The following TENM2 variants were observed in gnomAD, a reference collection of about 807,000 sequenced individuals.
TENM2 encodes teneurin-2.
Under a neutral mutation model 245.2 loss-of-function variants are expected in TENM2, and 52 were observed. The ratio of observed to expected loss-of-function variants is 0.21; its 90% CI spans 0.17 to 0.27. TENM2 has a LOEUF of 0.27. Ranked by LOEUF, TENM2 falls within the 10% of genes least tolerant of loss-of-function variation. The pLI, the probability that TENM2 is intolerant of heterozygous loss-of-function variation, is 1.00. For missense variants in TENM2, 3,046 were observed against 3,666.8 expected (o/e 0.83, Z 4.37); for synonymous variants, 1,363 against 1,438.9 (o/e 0.95, Z 1.19).
At chr5:167,139,177 A>T in the TENM2 span, among the ~76,000 whole-genome samples, 1 of 152,226 alleles carries the variant, frequency 6.6e-6, no homozygotes, top group Non-Finnish European at 1.5e-5. Context: ...CTCGTCCAAG[A>T]ACTGTACACG....
At chr5:167,775,025 A>G (rs1312346880) in intron 2 of TENM2, among the ~76,000 whole-genome samples, 1 of 151,976 alleles carries the variant, frequency 6.6e-6, no homozygotes, top group Admixed American at 6.6e-5. Flanking sequence ...GCTGGAGTGC[A>G]ATGGCGCAAT....
At chr5:167,035,899 C>T in the TENM2 span, among the ~76,000 whole-genome samples, 6 of 152,268 alleles carry the variant, frequency 3.9e-5, no homozygotes, top group Admixed American at 6.5e-5. Flanking sequence ...CCTGCCACCA[C>T]GCCCAGATAA....
intron 2 of TENM2, among the ~76,000 whole-genome samples, chr5:167,743,778 A>G (rs1182588423): frequency 2.0e-5 from 3 of 152,192 alleles, no homozygotes; most frequent in Admixed American, 6.5e-5. Flanking sequence ...AACCTTTGCT[A>G]TTAAAAAGAA....
the TENM2 span, among the ~76,000 whole-genome samples, chr5:166,986,162 T>C: frequency 6.6e-6 from 1 of 152,142 alleles, no homozygotes; most frequent in Non-Finnish European, 1.5e-5. Flanking sequence ...TTATTGACCA[T>C]TATGAATAAT....
At chr5:167,635,570 C>G in intron 2 of TENM2, among the ~76,000 whole-genome samples, 1 of 148,690 alleles carries the variant, frequency 6.7e-6, no homozygotes, top group East Asian at 2.1e-4. Context: ...TGTCTCAAAA[C>G]ATTCTCTGAA....
chr5:168,155,892 TAAAAAAAAAAAAAA>T (rs55977607), intron 12 of TENM2, among the ~76,000 whole-genome samples: 4,975 of 97,024 alleles, frequency 0.051, 223 homozygotes, highest in African/African-American at 0.13. Context: ...CTGGCATCTG[TAAAAAAAAAAAAAA>T]AAAAAAAAAA....
At chr5:167,917,359 G>T (rs186370786) in intron 3 of TENM2, among the ~76,000 whole-genome samples, 1 of 152,138 alleles carries the variant, frequency 6.6e-6, no homozygotes, top group Non-Finnish European at 1.5e-5. Flanking sequence ...GAGTCTCGGG[G>T]GGTTGTAGGG....
rs373466198 is a variant in TENM2, at chr5:168,260,344, G to T, written c.7494G>T (p.Pro2498=). The T allele has an allele frequency of 2.0e-5, 32 of 1,613,838 alleles. No homozygotes were observed. The South Asian group carries it at 3.3e-4, about 17-fold the overall frequency. The change falls in exon 28 of 29, where the codon CCG becomes CCT. Residue 2498 remains proline (P), a synonymous_variant. Coordinates refer to ENST00000518659, the Ensembl canonical transcript of TENM2. ...TTAGCAACATCATTCCTGGCTTCCC[G>T]AGAGCCAAAATGTATTTCGTGCCTC...
At chr5:167,758,180 T>C (rs1170860489) in intron 2 of TENM2, among the ~76,000 whole-genome samples, 1 of 152,184 alleles carries the variant, frequency 6.6e-6, no homozygotes, top group Non-Finnish European at 1.5e-5. Context: ...GCAGTCTAAA[T>C]TGCATGTGGT....
chr5:167,872,548 G>GAAAAAGAA lies in TENM2; in HGVS notation c.503-3437_503-3436insAAAAGAAA, dbSNP rs1313191288. On this transcript the variant is annotated intron_variant, in intron 2 of 28. Coordinates refer to ENST00000518659, the Ensembl canonical transcript of TENM2. ...AGAAAGAAAGAAAGAAAGAAAGAAAGAGAAAGAAAGAAAGAAAGAAAGAAA... is the reference window on the plus strand; with the variant it reads ...AGAAAGAAAGAAAGAAAGAAAGAAAGAAAAAGAAAGAAAGAAAGAAAGAAAGAAAGAAA... 3.1e-5 allele frequency among the ~76,000 whole-genome samples: 2 copies of GAAAAAGAA among 65,438 alleles called. 1 individual carries two copies. Among genetic ancestry groups the GAAAAAGAA allele is most frequent in the African/African-American group, 8.9e-5 (2 of 22,596 alleles). 42.9% of individuals were successfully genotyped at this position (65,438 alleles called of 152,430 possible). A position where few individuals can be genotyped will look rare whatever the true frequency, so the allele number is the denominator to read the frequency against.
chr5:167,716,251 A>G (rs1759247964), intron 2 of TENM2, among the ~76,000 whole-genome samples: 1 of 152,158 alleles, frequency 6.6e-6, no homozygotes, highest in Non-Finnish European at 1.5e-5. Context: ...CTGTATTTTG[A>G]AGGATCCCAA....
At chr5:167,115,526 T>C in the TENM2 span, among the ~76,000 whole-genome samples, 4 of 152,118 alleles carry the variant, frequency 2.6e-5, no homozygotes. Context: ...ACTTGACTCA[T>C]TTGGAATAAA....
intron 2 of TENM2, among the ~76,000 whole-genome samples, chr5:167,464,534 C>T (rs760523715): frequency 6.6e-5 from 10 of 152,086 alleles, no homozygotes; most frequent in South Asian, 2.1e-4. Context: ...GCCTGTATCA[C>T]GAATACCATA....
At chr5:167,333,273 C>A (rs374839121) in intron 1 of TENM2, among the ~76,000 whole-genome samples, 1 of 152,156 alleles carries the variant, frequency 6.6e-6, no homozygotes, top group African/African-American at 2.4e-5. Flanking sequence ...TCTAGCCTCA[C>A]GCCTTTCTTT....
intron 4 of TENM2, among the ~76,000 whole-genome samples, chr5:167,980,210 G>A (rs542115569): frequency 6.6e-6 from 1 of 152,274 alleles, no homozygotes; most frequent in South Asian, 2.1e-4. Flanking sequence ...GGTGATGCAT[G>A]TTAAATGAGA....
intron 2 of TENM2, among the ~76,000 whole-genome samples, chr5:167,550,900 C>T (rs1972645): frequency 0.66 from 100,591 of 151,730 alleles, 33,540 homozygotes; most frequent in East Asian, 0.75. Flanking sequence ...GGCTAATTTT[C>T]GCATTTTCAG....
chr5:167,357,518 C>T (rs1023430677), intron 1 of TENM2, among the ~76,000 whole-genome samples: 7 of 152,052 alleles, frequency 4.6e-5, no homozygotes, highest in African/African-American at 1.7e-4. Flanking sequence ...CCTCAGCCTC[C>T]CAAAGTGCTG....
intron 2 of TENM2, among the ~76,000 whole-genome samples, chr5:167,569,541 C>T (rs371772541): frequency 8.5e-5 from 13 of 152,268 alleles, no homozygotes; most frequent in African/African-American, 3.1e-4. Flanking sequence ...AATATCCTGG[C>T]TTTGCCATTT....
At chr5:167,873,559 T>C (rs1216374790) in intron 2 of TENM2, among the ~76,000 whole-genome samples, 1 of 152,176 alleles carries the variant, frequency 6.6e-6, no homozygotes, top group Non-Finnish European at 1.5e-5. Flanking sequence ...TATATGATAA[T>C]TCTAACCTCA....
Sources: allele counts gnomAD v4.1 joint callset (sites outside exome capture counted in the v4.1 genomes callset), GRCh38; gene constraint gnomAD v4.1.1; transcripts MANE v1.5; gene names NCBI Gene and HGNC (gene_info 2026-07-23, HGNC 2026-07-21).